The following VPS35L variants were observed in gnomAD, a reference collection of about 807,000 sequenced individuals.
VPS35L encodes the protein VPS35 endosomal protein-sorting factor-like.
VPS35L carries 83 observed loss-of-function variants against 133.0 expected under a neutral mutation model. That is an observed-to-expected ratio of 0.62 (90% CI 0.52 to 0.75). VPS35L has a LOEUF of 0.75. VPS35L is among the 30% of genes least tolerant of loss of function. The pLI is 0.00. For missense variants in VPS35L, 1,083 were observed against 1,206.8 expected, an observed-to-expected ratio of 0.90 and a Z score of 1.52; for synonymous variants, 423 against 449.9, an observed-to-expected ratio of 0.94 and a Z score of 0.76.
intron 23 of VPS35L, among the ~76,000 whole-genome samples, chr16:19,647,082 T>C (rs903363677): frequency 1.3e-5 from 2 of 152,224 alleles, no homozygotes; most frequent in African/African-American, 4.8e-5. Flanking sequence ...GGGTAAAATA[T>C]CAATTTTGAT....
At chr16:19,643,765 G>T (rs1973856337) in intron 22 of VPS35L, among the ~76,000 whole-genome samples, 1 of 151,078 alleles carries the variant, frequency 6.6e-6, no homozygotes, top group Non-Finnish European at 1.5e-5. Context: ...GGCCAACATG[G>T]TGAAACCCCG....
At chr16:19,681,111 C>T (rs1250728315) in intron 27 of VPS35L, among the ~76,000 whole-genome samples, 3 of 152,224 alleles carry the variant, frequency 2.0e-5, no homozygotes, top group Non-Finnish European at 4.4e-5. Context: ...AGCACCTGGA[C>T]GTGTGTGCCA....
intron 14 of VPS35L, 79 bp from the exon 15 acceptor site, chr16:19,626,098 G>T: frequency 1.1e-6 from 1 of 920,530 alleles, no homozygotes; most frequent in South Asian, 1.7e-5. Context: ...TTTAGAGTTC[G>T]ACTTTGGAAA....
intron 1 of VPS35L, among the ~76,000 whole-genome samples, chr16:19,562,782 ACT>A (rs748518539): frequency 2.0e-5 from 3 of 151,278 alleles, no homozygotes; most frequent in Non-Finnish European, 4.4e-5. Flanking sequence ...AGAGAGAGAG[ACT>A]CATTCTGTTG....
At chr16:19,625,139 A>G (rs538466537) in intron 14 of VPS35L, among the ~76,000 whole-genome samples, 3 of 152,208 alleles carry the variant, frequency 2.0e-5, no homozygotes, top group African/African-American at 7.2e-5. Context: ...GTGTTGGAGA[A>G]GAAATGTATT....
chr16:19,682,073 G>A lies in VPS35L; in HGVS notation c.2362-152G>A, dbSNP rs938708898. 21 of 802,018 alleles carry A rather than the reference G, an allele frequency of 2.6e-5. No homozygotes were observed. In the African/African-American group the frequency reaches 2.9e-4, roughly 11 times the overall value. 49.7% of individuals were successfully genotyped at this position (802,018 alleles called of 1,614,324 possible). ...CATTTTCCTCTGTATTGTTTAACCA[G>A]GCTTGTGAGTGGGTCTTGCCTTTGT... On this transcript the variant is annotated intron_variant, in intron 27 of 30. Transcript: ENST00000417362.
chr16:19,604,825 G>A (rs1227665980), intron 9 of VPS35L, among the ~76,000 whole-genome samples: 2 of 152,200 alleles, frequency 1.3e-5, no homozygotes, highest in African/African-American at 4.8e-5. Flanking sequence ...CTTCGGAGTT[G>A]AGAAAGATAC....
chr16:19,699,545 G>C lies in VPS35L; in HGVS notation c.2690G>C (p.Ser897Thr). 1.9e-6 allele frequency: 3 copies of C among 1,614,162 alleles called. No homozygotes were observed. Among genetic ancestry groups the C allele is most frequent in the Non-Finnish European group, 2.5e-6 (3 of 1,180,034 alleles). The part of the protein sequence containing the change: ...QSSLGLSFFN[S>T]ILAHGDLRNN... ...TCGTTGGGCCTTTCCTTCTTTAACAGCATCTTGGCCCATGGGGACCTACGC... is the reference window on the plus strand; with the variant it reads ...TCGTTGGGCCTTTCCTTCTTTAACACCATCTTGGCCCATGGGGACCTACGC... Residue 897 changes from serine to threonine, a missense_variant, in exon 30 of 31, where the codon AGC (serine) becomes ACC (threonine). By Grantham distance (58) the Ser-to-Thr change is moderately conservative. Transcript: ENST00000417362. This position sits in a 1 kb window ranked among gnomAD's most constrained non-coding sequence, Gnocchi z 4.2.
At chr16:19,567,048 G>A (rs950997833) in intron 2 of VPS35L, among the ~76,000 whole-genome samples, 4 of 151,910 alleles carry the variant, frequency 2.6e-5, no homozygotes, top group Non-Finnish European at 4.4e-5. Flanking sequence ...CACTGTGCCC[G>A]GCCCAGTTGG....
intron 2 of VPS35L, among the ~76,000 whole-genome samples, chr16:19,566,687 C>T (rs557625931): frequency 2.0e-5 from 3 of 152,254 alleles, no homozygotes; most frequent in Admixed American, 1.3e-4. Flanking sequence ...GGTACAGAAA[C>T]AGCCGGATTG....
intron 1 of VPS35L, among the ~76,000 whole-genome samples, chr16:19,558,533 C>T (rs938780817): frequency 2.0e-5 from 3 of 152,150 alleles, no homozygotes; most frequent in Admixed American, 6.5e-5. Context: ...TTTTGCTATC[C>T]CTGCTATATT....
chr16:19,605,129 T>C (rs1020742483), intron 9 of VPS35L, among the ~76,000 whole-genome samples: 3 of 152,172 alleles, frequency 2.0e-5, no homozygotes, highest in East Asian at 1.9e-4. Flanking sequence ...TGCCAATCCC[T>C]ATAACACTGT....
At chr16:19,575,017 G>T in intron 4 of VPS35L, 81 bp from the exon 5 acceptor site, 1 of 1,121,138 alleles carries the variant, frequency 8.9e-7, no homozygotes, top group Non-Finnish European at 1.3e-6. Context: ...TTTCTCTTGG[G>T]TATGTAAATG....
intron 25 of VPS35L, among the ~76,000 whole-genome samples, chr16:19,651,416 G>A (rs1974118423): frequency 6.6e-6 from 1 of 151,868 alleles, no homozygotes; most frequent in Admixed American, 6.6e-5. Context: ...GGTTGCCCAG[G>A]CTGGTCTTGA....
chr16:19,611,433 G>A (rs997585868), intron 12 of VPS35L, among the ~76,000 whole-genome samples: 2 of 152,162 alleles, frequency 1.3e-5, no homozygotes, highest in South Asian at 4.1e-4. Context: ...CATTGCACCT[G>A]ATAAGCCCCA....
At chr16:19,602,538 C>G (rs1972418535) in intron 9 of VPS35L, among the ~76,000 whole-genome samples, 3 of 152,048 alleles carry the variant, frequency 2.0e-5, no homozygotes, top group African/African-American at 7.2e-5. Context: ...TCTCCCTCCT[C>G]CTCTCCCACC....
chr16:19,691,520 A>G (rs1975686343), intron 29 of VPS35L, 49 bp downstream of exon 29: 1 of 1,474,302 alleles, frequency 6.8e-7, no homozygotes, highest in Non-Finnish European at 9.5e-7. Context: ...TGAAAGCACA[A>G]GTTTCCAGGG....
At chr16:19,572,350 G>A (rs192414488) in intron 3 of VPS35L, among the ~76,000 whole-genome samples, 5 of 152,234 alleles carry the variant, frequency 3.3e-5, no homozygotes, top group South Asian at 4.1e-4. Context: ...CCTGGGATGC[G>A]GAGATTGCAG....
chr16:19,570,895 G>T (rs1370490355), intron 3 of VPS35L, among the ~76,000 whole-genome samples: 3 of 99,512 alleles, frequency 3.0e-5, no homozygotes, highest in Admixed American at 2.1e-4. Context: ...ATATATTTTT[G>T]AGATGAAGTC....
Sources: allele counts gnomAD v4.1 joint callset (sites outside exome capture counted in the v4.1 genomes callset), GRCh38; gene constraint gnomAD v4.1.1; non-coding constraint Gnocchi (gnomAD v3.1); transcripts MANE v1.5; gene names NCBI Gene and HGNC (gene_info 2026-07-23, HGNC 2026-07-21).